Variants in RGS6 observed in about 807,000 individuals in gnomAD.
RGS6 encodes the protein regulator of G-protein signaling 6.
RGS6 carries 30 observed loss-of-function variants against 78.5 expected under a neutral mutation model. That is an observed-to-expected ratio of 0.38 (90% confidence interval 0.29 to 0.52). The LOEUF is 0.52. Among genes scored for constraint, RGS6 ranks in the 20% least tolerant of loss-of-function variants. RGS6 has a pLI of 0.85. For synonymous variants in RGS6, 206 were observed against 206.0 expected, an observed-to-expected ratio of 1.00 and a Z score of 0.00; for missense variants, 495 against 609.7, an observed-to-expected ratio of 0.81 and a Z score of 1.98.
the RGS6 span, among the ~76,000 whole-genome samples, chr14:71,882,866 T>A: frequency 6.6e-6 from 1 of 152,340 alleles, no homozygotes; most frequent in Admixed American, 6.5e-5. Flanking sequence ...TGCTTATCCC[T>A]TCACCTACCA....
At chr14:72,439,542 A>G (rs1430428896) in intron 3 of RGS6, among the ~76,000 whole-genome samples, 1 of 152,228 alleles carries the variant, frequency 6.6e-6, no homozygotes, top group African/African-American at 2.4e-5. Context: ...AAGTGTGCCA[A>G]ATAACAAAGC....
At chr14:72,106,458 A>G (rs1485640106) in intron 2 of RGS6, among the ~76,000 whole-genome samples, 1 of 152,170 alleles carries the variant, frequency 6.6e-6, no homozygotes, top group African/African-American at 2.4e-5. Flanking sequence ...GCTTAGCATG[A>G]ACTAGTATGA....
At chr14:72,484,677 A>G (rs754449878) in intron 12 of RGS6, among the ~76,000 whole-genome samples, 11 of 152,070 alleles carry the variant, frequency 7.2e-5, no homozygotes, top group South Asian at 2.1e-4. Context: ...ATTCTCTTTC[A>G]TTATTTCCTT....
intron 2 of RGS6, among the ~76,000 whole-genome samples, chr14:72,330,028 T>G (rs1256984669): frequency 6.6e-6 from 1 of 152,218 alleles, no homozygotes; most frequent in Non-Finnish European, 1.5e-5. Flanking sequence ...TCCATTTTTG[T>G]GTTCTTCACA....
intron 2 of RGS6, among the ~76,000 whole-genome samples, chr14:72,087,527 A>T (rs990194738): frequency 1.3e-5 from 2 of 152,178 alleles, no homozygotes; most frequent in Non-Finnish European, 2.9e-5. Flanking sequence ...AACATGGGTC[A>T]GTCTTACTAA....
chr14:71,897,441 C>T, the RGS6 span, among the ~76,000 whole-genome samples: 1 of 152,166 alleles, frequency 6.6e-6, no homozygotes, highest in Non-Finnish European at 1.5e-5. Context: ...AACATGAAGA[C>T]AGTTGGGAGA....
intron 2 of RGS6, among the ~76,000 whole-genome samples, chr14:72,300,149 C>T (rs1350242690): frequency 1.3e-5 from 2 of 151,778 alleles, no homozygotes; most frequent in Non-Finnish European, 2.9e-5. Context: ...TTGAAAAGAT[C>T]GATGTATTGA....
chr14:72,101,440 G>A (rs1014948776), intron 2 of RGS6, among the ~76,000 whole-genome samples: 1 of 152,164 alleles, frequency 6.6e-6, no homozygotes, highest in African/African-American at 2.4e-5. Context: ...ATAGATAGTT[G>A]TAGAATAAAT....
At chr14:72,400,911 G>A (rs969376170) in intron 3 of RGS6, among the ~76,000 whole-genome samples, 2 of 148,064 alleles carry the variant, frequency 1.4e-5, no homozygotes, top group African/African-American at 5.2e-5. Context: ...GTGAGGAGGA[G>A]CCAGGTGGCA....
the RGS6 span, among the ~76,000 whole-genome samples, chr14:72,597,542 G>A: frequency 6.6e-6 from 1 of 152,166 alleles, no homozygotes; most frequent in East Asian, 1.9e-4. Context: ...CATTCAAGCT[G>A]AATTAATAGA....
chr14:72,155,724 G>A (rs1166040401), intron 2 of RGS6, among the ~76,000 whole-genome samples: 1 of 152,168 alleles, frequency 6.6e-6, no homozygotes, highest in African/African-American at 2.4e-5. Context: ...ACAACACAGT[G>A]GCAAATGCCA....
intron 3 of RGS6, among the ~76,000 whole-genome samples, chr14:72,434,439 C>T (rs1459162401): frequency 1.3e-5 from 2 of 152,220 alleles, no homozygotes; most frequent in African/African-American, 4.8e-5. Flanking sequence ...GATGTAGGGC[C>T]TTGTCCATGC....
chr14:72,050,489 A>G (rs2093163768), intron 2 of RGS6, among the ~76,000 whole-genome samples: 1 of 152,232 alleles, frequency 6.6e-6, no homozygotes, highest in Non-Finnish European at 1.5e-5. Flanking sequence ...GTACAAGAGC[A>G]TATGTTTTCT....
chr14:72,463,123 T>TTGAGATGGCAGTGGATTTCTCTGAG (rs1405602727), intron 6 of RGS6, among the ~76,000 whole-genome samples: 11 of 152,224 alleles, frequency 7.2e-5, no homozygotes, highest in African/African-American at 2.7e-4. Context: ...CATGGTGAAC[T>TTGAGATGGCAGTGGATTTCTCTGAG]TGAGATGGCA....
chr14:72,414,683 C>T (rs2093675363), intron 3 of RGS6, among the ~76,000 whole-genome samples: 2 of 152,092 alleles, frequency 1.3e-5, no homozygotes, highest in Admixed American at 1.3e-4. Flanking sequence ...TTTCCCCCAT[C>T]TTTGTGGTTT....
At chr14:72,547,208 G>A in intron 17 of RGS6, 1 of 1,535,446 alleles carries the variant, frequency 6.5e-7, no homozygotes, top group Non-Finnish European at 8.7e-7. Context: ...GCAGCAGAGG[G>A]GGCCAGAGAA....
rs569969076 is a variant in RGS6 at position 72,031,969 on chromosome 14, G to A, written c.84+67094G>A. Among the ~76,000 whole-genome samples, 4 of 152,262 alleles carry A rather than the reference G, an allele frequency of 2.6e-5. No homozygotes were observed. The South Asian group carries it at 8.3e-4, about 32-fold the overall frequency. On this transcript the variant is annotated intron_variant, in intron 2 of 17. Coordinates refer to ENST00000553525, the MANE Select transcript of RGS6 (RefSeq NM_001204424.2). The stretch of plus-strand genomic sequence containing the variant: ...ATGCTGAAATGGACATTTTGGTATA[G>A]TCACCATTCCTCCACACTGCTCCTT...
At chr14:72,094,502 A>G (rs916181738) in intron 2 of RGS6, among the ~76,000 whole-genome samples, 2 of 152,136 alleles carry the variant, frequency 1.3e-5, no homozygotes, top group Non-Finnish European at 2.9e-5. Flanking sequence ...CTGTATTTGC[A>G]TGCTTGCTTA....
intron 2 of RGS6, among the ~76,000 whole-genome samples, chr14:72,127,522 C>A (rs1484572556): frequency 6.6e-6 from 1 of 152,022 alleles, no homozygotes; most frequent in Non-Finnish European, 1.5e-5. Flanking sequence ...GAACACGTTA[C>A]TGATTTAAAA....
Sources: gnomAD v4.1 joint callset for allele counts (sites outside exome capture counted in the v4.1 genomes callset) on GRCh38, gnomAD v4.1.1 for gene constraint, MANE v1.5 for transcripts, NCBI Gene and HGNC (gene_info 2026-07-23, HGNC 2026-07-21) for gene names.